The following MYO7A variants were observed in gnomAD, a reference collection of about 807,000 sequenced individuals.
MYO7A encodes unconventional myosin-VIIa.
MYO7A carries 210 observed loss-of-function variants against 263.8 expected under a neutral mutation model. The ratio of observed to expected loss-of-function variants is 0.80; its 90% CI spans 0.71 to 0.89. MYO7A has a LOEUF of 0.89. Among genes scored for constraint, MYO7A ranks in the 40% least tolerant of loss-of-function variants. The pLI, the probability that MYO7A is intolerant of heterozygous loss-of-function variation, is 0.00. For synonymous variants in MYO7A, 1,239 were observed against 1,197.3 expected, an observed-to-expected ratio of 1.03 and a Z score of -0.72; for missense variants, 2,820 against 2,968.3, an observed-to-expected ratio of 0.95 and a Z score of 1.16.
chr11:77,198,766 C>T, intron 34 of MYO7A, 145 bp downstream of exon 34: 2 of 1,241,236 alleles, frequency 1.6e-6, no homozygotes, highest in South Asian at 2.9e-5. Context: ...CTGTGCAGAC[C>T]CCTCTGGCAC....
intron 31 of MYO7A, among the ~76,000 whole-genome samples, chr11:77,193,865 C>G (rs1277217274): frequency 6.6e-6 from 1 of 152,160 alleles, no homozygotes; most frequent in African/African-American, 2.4e-5. Flanking sequence ...AGCTGTTAAC[C>G]ACTTTAACTG....
rs1222093995 is a variant in MYO7A at position 77,211,844 on chromosome 11, G to T, written c.6261G>T (p.Lys2087Asn). 1 of 1,613,960 alleles carries T rather than the reference G, an allele frequency of 6.2e-7. No homozygotes were observed. Among genetic ancestry groups the T allele is most frequent in the South Asian group, 1.1e-5 (1 of 91,082 alleles). Residue 2087 changes from lysine to asparagine, a missense_variant, in exon 46 of 49, where the codon AAG becomes AAT. By Grantham distance (94) the Lys-to-Asn change is moderately conservative. Coordinates refer to ENST00000409709, the MANE Select transcript of MYO7A (RefSeq NM_000260.4). ...AGTCCATCGTCGCCTACTTCAACAA[G>T]CACGCAGGGAAGTCCAAGGAGGAGG... ...WKRSIVAYFNKHAGKSKEEAK... is the reference protein window; with the variant it reads ...WKRSIVAYFNNHAGKSKEEAK...
intron 25 of MYO7A, 71 bp downstream of exon 25, chr11:77,182,671 T>C: frequency 1.3e-6 from 2 of 1,523,796 alleles, no homozygotes; most frequent in Non-Finnish European, 8.9e-7. Context: ...ATCACCAGCC[T>C]TGGGCTCCTC....
chr11:77,189,142 A>C (rs545472289), intron 27 of MYO7A, among the ~76,000 whole-genome samples: 3 of 152,260 alleles, frequency 2.0e-5, no homozygotes, highest in Admixed American at 6.5e-5. Flanking sequence ...GAGGTGCTTT[A>C]TGCCCGATGA....
At chr11:77,200,902 A>G (rs1957016804) in intron 35 of MYO7A, among the ~76,000 whole-genome samples, 1 of 151,640 alleles carries the variant, frequency 6.6e-6, no homozygotes, top group South Asian at 2.1e-4. Flanking sequence ...GGGAAAGACA[A>G]AGATGAAATG....
chr11:77,138,908 C>T lies in MYO7A; in HGVS notation c.19-3801C>T, dbSNP rs929348007. 2.6e-5 allele frequency among the ~76,000 whole-genome samples: 4 copies of T among 152,314 alleles called. No individual in the cohort carries two copies. Among genetic ancestry groups the T allele is most frequent in the East Asian group, 3.9e-4 (2 of 5,182 alleles). ...CCAGAGTGATCATGAAGATAACGAG[C>T]GGCAAAATGTCCTGAAACAGATTCC... On this transcript the variant is annotated intron_variant, in intron 2 of 48. Coordinates refer to ENST00000409709, the MANE Select transcript of MYO7A (RefSeq NM_000260.4). This position sits in a 1 kb window ranked among gnomAD's most constrained non-coding sequence, Gnocchi z 4.9.
At chr11:77,160,473 C>T (rs182759310) in intron 11 of MYO7A, among the ~76,000 whole-genome samples, 191 bp downstream of exon 11, 8 of 152,280 alleles carry the variant, frequency 5.3e-5, no homozygotes, top group Admixed American at 3.3e-4. Flanking sequence ...CAGCTCTGGC[C>T]GCCCCAGGCC....
chr11:77,206,325 C>T (rs1435192483), intron 41 of MYO7A, 123 bp downstream of exon 41: 7 of 723,180 alleles, frequency 9.7e-6, no homozygotes, highest in African/African-American at 1.8e-5. Context: ...GTCCTCCTGC[C>T]CCGTAGTGGA....
intron 47 of MYO7A, 48 bp from the exon 48 acceptor site, chr11:77,213,812 G>A (rs1958008369): frequency 6.2e-7 from 1 of 1,613,208 alleles, no homozygotes; most frequent in African/African-American, 1.3e-5. Context: ...GGCAAGTGAG[G>A]CCACAGGGCC....
intron 2 of MYO7A, among the ~76,000 whole-genome samples, chr11:77,132,914 C>A (rs1555046436): frequency 2.0e-5 from 3 of 152,246 alleles, no homozygotes; most frequent in African/African-American, 7.2e-5. Flanking sequence ...GCCTGTGGAA[C>A]TGCAGAGCGG....
intron 12 of MYO7A, 30 bp from the exon 13 acceptor site, chr11:77,162,090 C>T: frequency 6.4e-7 from 1 of 1,566,826 alleles, no homozygotes; most frequent in Non-Finnish European, 8.7e-7. Context: ...GCCTGAACAA[C>T]ACCCTTACCC....
Position 77,208,687 on chromosome 11 carries a change from TG to T in MYO7A, c.5945-9del. 1 of 1,568,856 alleles carries T rather than the reference TG, an allele frequency of 6.4e-7. No homozygotes were observed. The highest frequency in any genetic ancestry group is 8.7e-7 in the Non-Finnish European group (1 of 1,154,222). ...GGACCCTCTGGGTGACCGACTGCCC[TG>T]TGCTGCAGGAATTGTGCCCTCACTC... On this transcript the variant is annotated splice_polypyrimidine_tract_variant and intron_variant, in intron 43 of 48. Coordinates refer to ENST00000409709, the MANE Select transcript of MYO7A (RefSeq NM_000260.4).
chr11:77,211,276 T>C lies in MYO7A; in HGVS notation c.6176T>C (p.Leu2059Pro). 6.3e-7 allele frequency: 1 copy of C among 1,581,126 alleles called. No individual in the cohort carries two copies. Among genetic ancestry groups the C allele is most frequent in the Non-Finnish European group, 8.6e-7 (1 of 1,163,680 alleles). Residue 2059 changes from leucine to proline, a missense_variant, in exon 45 of 49, where the codon CTG becomes CCG. Coordinates refer to ENST00000409709, the MANE Select transcript of MYO7A (RefSeq NM_000260.4). ...TCCTACTTCCCCAGCATCCCCAAGCTGCTGCGGGAGCTGGTGCCCCAGGAC... is the reference window on the plus strand; with the variant it reads ...TCCTACTTCCCCAGCATCCCCAAGCCGCTGCGGGAGCTGGTGCCCCAGGAC... The part of the protein sequence containing the change: ...DKSYFPSIPK[L>P]LRELVPQDLI...
intron 2 of MYO7A, chr11:77,142,462 C>A: frequency 1.8e-6 from 1 of 550,698 alleles, no homozygotes; most frequent in Non-Finnish European, 3.5e-6. Flanking sequence ...CTCTCTGAGC[C>A]TCTGCTAAGT....
chr11:77,199,269 T>C (rs1956897754), intron 34 of MYO7A, among the ~76,000 whole-genome samples: 1 of 152,190 alleles, frequency 6.6e-6, no homozygotes, highest in Non-Finnish European at 1.5e-5. Context: ...AGACATTGAA[T>C]AGGCCATTTT....
At position 77,169,860 on chromosome 11, in the gene MYO7A, GA is replaced by G. The variant is rs1389546227; in HGVS notation, c.1798-2887del. ...GGAGGCCGAGGTGGGCAGATTGCTTGAGCTCAGGAGTTCAAGACCAGCCTTG... is the reference window on the plus strand; with the variant it reads ...GGAGGCCGAGGTGGGCAGATTGCTTGGCTCAGGAGTTCAAGACCAGCCTTG... On this transcript the variant is annotated intron_variant, in intron 15 of 48. Transcript: ENST00000409709. 1.1e-4 allele frequency among the ~76,000 whole-genome samples: 17 copies of G among 152,154 alleles called. 1 individual carries two copies. The highest frequency in any genetic ancestry group is 3.3e-4 in the Admixed American group (5 of 15,276).
chr11:77,188,945 G>A (rs1555089929), intron 27 of MYO7A, among the ~76,000 whole-genome samples: 2 of 152,156 alleles, frequency 1.3e-5, no homozygotes, highest in African/African-American at 4.8e-5. Flanking sequence ...GTGACTATGG[G>A]CTGGGATCAG....
In MYO7A at chr11:77,199,788, G is replaced by A. The variant is rs1377866973; in HGVS notation, c.4822G>A (p.Val1608Ile). Residue 1608 changes from valine (V) to isoleucine (I), a missense_variant, in exon 35 of 49, where the codon GTT (valine) becomes ATT (isoleucine). Coordinates refer to ENST00000409709, the MANE Select transcript of MYO7A (RefSeq NM_000260.4). Reference sequence around the variant, plus strand: ...GGGGCTCCGGAAGAGATCTAAGTATGTTGTGGCCCTGCAGGATAACCCCAA... The same window carrying A: ...GGGGCTCCGGAAGAGATCTAAGTATATTGTGGCCCTGCAGGATAACCCCAA... ...LEGLRKRSKYVVALQDNPNPA... is the reference protein window; with the variant it reads ...LEGLRKRSKYIVALQDNPNPA... The A allele has an allele frequency of 5.0e-6, 8 of 1,604,388 alleles. No individual in the cohort carries two copies. Among genetic ancestry groups the A allele is most frequent in the Middle Eastern group, 1.7e-4 (1 of 6,058 alleles).
chr11:77,151,786 A>G (rs1343732394), intron 4 of MYO7A, among the ~76,000 whole-genome samples: 2 of 152,264 alleles, frequency 1.3e-5, no homozygotes, highest in African/African-American at 4.8e-5. Flanking sequence ...AGAAGCCCAG[A>G]GAGGGCCAGG....
Sources: gnomAD v4.1 joint callset for allele counts (sites outside exome capture counted in the v4.1 genomes callset) on GRCh38, gnomAD v4.1.1 for gene constraint, Gnocchi (gnomAD v3.1) non-coding constraint, MANE v1.5 for transcripts, NCBI Gene and HGNC (gene_info 2026-07-23, HGNC 2026-07-21) for gene names.